The following SH3KBP1 variants were observed in gnomAD, a reference collection of about 807,000 sequenced individuals.
SH3KBP1 encodes the protein SH3 domain containing kinase binding protein 1, also known as SH3 domain-containing kinase-binding protein 1.
SH3KBP1 carries 8 observed loss-of-function variants against 50.1 expected under a neutral mutation model. The ratio of observed to expected loss-of-function variants is 0.16; its 90% CI spans 0.09 to 0.29. The LOEUF is 0.29. Among genes scored for constraint, SH3KBP1 ranks in the 10% least tolerant of loss-of-function variants. SH3KBP1 has a pLI of 1.00. For synonymous variants in SH3KBP1, 227 were observed against 218.6 expected, an observed-to-expected ratio of 1.04 and a Z score of -0.34; for missense variants, 377 against 535.2, an observed-to-expected ratio of 0.70 and a Z score of 2.92.
intron 7 of SH3KBP1, among the ~76,000 whole-genome samples, chrX:19,638,617 C>G (rs1331687873): frequency 1.8e-5 from 2 of 111,128 alleles, no homozygotes; most frequent in African/African-American, 3.3e-5. Context: ...CTGTGAGAAC[C>G]ACTGGTCTAG....
chrX:19,708,451 T>C (rs1213985631), intron 3 of SH3KBP1, among the ~76,000 whole-genome samples: 1 of 111,775 alleles, frequency 8.9e-6, no homozygotes, highest in Admixed American at 9.5e-5. Context: ...GATGGCACTG[T>C]CAGCAGGCTG....
intron 6 of SH3KBP1, among the ~76,000 whole-genome samples, chrX:19,675,003 CG>C (rs2062892311): frequency 9.1e-6 from 1 of 109,774 alleles, no homozygotes. Flanking sequence ...TGCTTGAACC[CG>C]GGAGGCAGAG....
At chrX:19,573,881 T>C (rs2066118587) in intron 12 of SH3KBP1, among the ~76,000 whole-genome samples, 1 of 111,605 alleles carries the variant, frequency 9.0e-6, no homozygotes, top group African/African-American at 3.3e-5. Flanking sequence ...GCCGGGTTAC[T>C]TAACCTCTCT....
At chrX:19,866,140 T>A (rs1172524557) in intron 1 of SH3KBP1, among the ~76,000 whole-genome samples, 1 of 111,825 alleles carries the variant, frequency 8.9e-6, no homozygotes, top group African/African-American at 3.3e-5. Flanking sequence ...ATGAGCACTC[T>A]GGCTCCCTTA....
At chrX:19,668,974 A>ATATATATT (rs1491195501) in intron 6 of SH3KBP1, among the ~76,000 whole-genome samples, 74 of 63,868 alleles carry the variant, frequency 1.2e-3, no homozygotes, top group Non-Finnish European at 2.0e-3. Flanking sequence ...ATATATATAT[A>ATATATATT]TTTTTTGAGA....
chrX:19,792,967 T>C (rs926105253), intron 2 of SH3KBP1, among the ~76,000 whole-genome samples: 1 of 110,062 alleles, frequency 9.1e-6, no homozygotes, highest in Admixed American at 9.7e-5. Flanking sequence ...AGTGACTCCC[T>C]AACCCTTCAT....
intron 7 of SH3KBP1, among the ~76,000 whole-genome samples, chrX:19,641,871 A>T (rs1405581618): frequency 9.0e-6 from 1 of 111,666 alleles, no homozygotes; most frequent in Non-Finnish European, 1.9e-5. Flanking sequence ...ATAAGGTCTC[A>T]CTCTGTCACC....
intron 2 of SH3KBP1, among the ~76,000 whole-genome samples, chrX:19,782,932 C>T (rs1166157015): frequency 2.7e-5 from 3 of 111,205 alleles, no homozygotes; most frequent in African/African-American, 9.9e-5. Context: ...ATGGCGAAAC[C>T]CTGTCTACCA....
rs755623438 is a variant in SH3KBP1 at position 19,546,086 on chromosome X, T to C, written c.1495-36A>G. ...CAAAAGAAAATGCTTTTGTCAGAATTACACCTTAGCTGACACCACTTTCGT... is the reference window on the plus strand; with the variant it reads ...CAAAAGAAAATGCTTTTGTCAGAATCACACCTTAGCTGACACCACTTTCGT... On this transcript the variant is annotated intron_variant, in intron 14 of 17. Coordinates refer to ENST00000397821, the MANE Select transcript of SH3KBP1 (RefSeq NM_031892.3). The C allele has an allele frequency of 3.1e-5, 37 of 1,201,289 alleles. No homozygotes were observed. The East Asian group carries it at 1.0e-3, about 34-fold the overall frequency.
intron 8 of SH3KBP1, among the ~76,000 whole-genome samples, chrX:19,629,837 T>A (rs2061536646): frequency 8.9e-6 from 1 of 112,496 alleles, no homozygotes; most frequent in Admixed American, 9.4e-5. Flanking sequence ...TGCTTTCAAA[T>A]ACGTTAATCT....
chrX:19,701,360 G>A (rs1367460517), intron 4 of SH3KBP1, among the ~76,000 whole-genome samples: 1 of 111,750 alleles, frequency 8.9e-6, no homozygotes, highest in Non-Finnish European at 1.9e-5. Flanking sequence ...TCTTTAAACA[G>A]GCGCTCCTTT....
At chrX:19,594,129 T>C (rs945043053) in intron 10 of SH3KBP1, among the ~76,000 whole-genome samples, 4 of 112,531 alleles carry the variant, frequency 3.6e-5, no homozygotes, top group Admixed American at 9.4e-5. Flanking sequence ...GTTATAGAAA[T>C]ATAATTGTGA....
At chrX:19,858,306 C>T (rs1340806333) in intron 1 of SH3KBP1, among the ~76,000 whole-genome samples, 1 of 111,457 alleles carries the variant, frequency 9.0e-6, no homozygotes, top group Non-Finnish European at 1.9e-5. Context: ...AATCATATCG[C>T]CCAGACCGTG....
chrX:19,784,422 A>G (rs769221533), intron 2 of SH3KBP1, among the ~76,000 whole-genome samples: 50 of 111,262 alleles, frequency 4.5e-4, no homozygotes, highest in African/African-American at 1.6e-3. Flanking sequence ...ACAAAGAGGA[A>G]GTCCCAAATC....
intron 1 of SH3KBP1, among the ~76,000 whole-genome samples, chrX:19,846,895 A>C (rs1016175915): frequency 3.6e-5 from 4 of 111,649 alleles, no homozygotes; most frequent in African/African-American, 1.3e-4. Flanking sequence ...GCTTGTCTTG[A>C]GGATAGGATA....
At chrX:19,850,879 G>A (rs1338211144) in intron 1 of SH3KBP1, among the ~76,000 whole-genome samples, 1 of 109,966 alleles carries the variant, frequency 9.1e-6, no homozygotes. Flanking sequence ...TACTGAATCT[G>A]AGGCTGCATC....
intron 6 of SH3KBP1, among the ~76,000 whole-genome samples, chrX:19,668,976 T>TATATATATATATA (rs1569405166): frequency 1.6e-5 from 1 of 60,635 alleles, no homozygotes; most frequent in East Asian, 5.5e-4. Context: ...ATATATATAT[T>TATATATATATATA]TTTTGAGACA....
rs2062865247 is a variant in SH3KBP1, at chrX:19,674,016, T to C, written c.726+9807A>G. Reference sequence around the variant, plus strand: ...CCAAGGATATCCCATCCCTTCCTTCTTGACCTGGAGGAAAGTTAGTAGTTT... The same window carrying C: ...CCAAGGATATCCCATCCCTTCCTTCCTGACCTGGAGGAAAGTTAGTAGTTT... On this transcript the variant is annotated intron_variant, in intron 6 of 17. Coordinates refer to ENST00000397821, the MANE Select transcript of SH3KBP1 (RefSeq NM_031892.3). 2.7e-5 allele frequency among the ~76,000 whole-genome samples: 3 copies of C among 112,655 alleles called. No homozygotes were observed. The South Asian group carries it at 1.1e-3, about 41-fold the overall frequency.
At chrX:19,770,195 C>T (rs1244700016) in intron 2 of SH3KBP1, among the ~76,000 whole-genome samples, 1 of 111,571 alleles carries the variant, frequency 9.0e-6, no homozygotes, top group Non-Finnish European at 1.9e-5. Flanking sequence ...CTTCTCCCTC[C>T]TTCCACCCTC....
Sources: gnomAD v4.1 joint callset for allele counts (sites outside exome capture counted in the v4.1 genomes callset) on GRCh38, gnomAD v4.1.1 for gene constraint, MANE v1.5 for transcripts, NCBI Gene and HGNC (gene_info 2026-07-23, HGNC 2026-07-21) for gene names.